The following MAGI2 variants were observed in gnomAD, a reference collection of about 807,000 sequenced individuals.
MAGI2 encodes the protein membrane associated guanylate kinase, WW and PDZ domain containing 2.
Under a neutral mutation model 133.3 loss-of-function variants are expected in MAGI2, and 35 were observed. The ratio of observed to expected loss-of-function variants is 0.26; its 90% CI spans 0.20 to 0.35. MAGI2 has a LOEUF of 0.35. Ranked by LOEUF, MAGI2 falls within the 10% of genes least tolerant of loss-of-function variation. MAGI2 has a pLI of 1.00. For synonymous variants in MAGI2, 729 were observed against 710.6 expected, an observed-to-expected ratio of 1.03 and a Z score of -0.41; for missense variants, 1,636 against 1,863.4, an observed-to-expected ratio of 0.88 and a Z score of 2.25.
At position 78,161,667 on chromosome 7, in the gene MAGI2, T is replaced by TAAA. The variant is rs71515391; in HGVS notation, c.2597-1397_2597-1395dup. Among the ~76,000 whole-genome samples the TAAA allele has an allele frequency of 7.7e-3, 532 of 68,846 alleles. 16 individuals carry two copies. Among genetic ancestry groups the TAAA allele is most frequent in the Middle Eastern group, 0.04 (4 of 100 alleles). The allele number at this position is 68,846 out of a possible 152,430, so 45.2% of individuals were successfully genotyped here. On this transcript the variant is annotated intron_variant, in intron 15 of 21. Transcript: ENST00000354212. The stretch of plus-strand genomic sequence containing the variant: ...AGAGACGTTTTGTTACATCGATACC[T>TAAA]AAAAAAAAAAAAAAAAAAAAGAAAA...
chr7:78,066,609 C>T lies in MAGI2; in HGVS notation c.3706+12338G>A, dbSNP rs79260910. Among the ~76,000 whole-genome samples the T allele has an allele frequency of 7.4e-4, 113 of 152,254 alleles. 1 individual carries two copies. The East Asian group carries it at 0.018, about 24-fold the overall frequency. ...GGTTGTGCTCTGAAACCAACCTCTT[C>T]GTGGTGGTCTTGGTCTGAATCTAGC... On this transcript the variant is annotated intron_variant, in intron 21 of 21. Transcript: ENST00000354212.
intron 2 of MAGI2, among the ~76,000 whole-genome samples, chr7:78,743,241 T>C (rs531628969): frequency 6.6e-6 from 1 of 152,282 alleles, no homozygotes; most frequent in African/African-American, 2.4e-5. Flanking sequence ...ACAAAATCAA[T>C]AAGCTGCAAT....
intron 1 of MAGI2, among the ~76,000 whole-genome samples, chr7:79,195,680 A>G (rs1464877007): frequency 3.9e-5 from 6 of 151,956 alleles, no homozygotes; most frequent in Non-Finnish European, 5.9e-5. Context: ...GGCACTGAGC[A>G]TTCTCAGTGT....
chr7:78,697,925 A>C (rs1389002991), intron 2 of MAGI2, among the ~76,000 whole-genome samples: 1 of 151,992 alleles, frequency 6.6e-6, no homozygotes, highest in Non-Finnish European at 1.5e-5. Context: ...ACTTCTCCTT[A>C]TAAGATTGTT....
intron 2 of MAGI2, among the ~76,000 whole-genome samples, chr7:78,872,882 C>A (rs1387245328): frequency 6.6e-6 from 1 of 151,958 alleles, no homozygotes; most frequent in Non-Finnish European, 1.5e-5. Context: ...CAGCAATAAC[C>A]ATTATCAAAT....
intron 20 of MAGI2, among the ~76,000 whole-genome samples, chr7:78,112,506 C>A (rs192552491): frequency 7.9e-5 from 12 of 152,366 alleles, no homozygotes; most frequent in Middle Eastern, 3.4e-3. Flanking sequence ...AAAAAGCTGA[C>A]TGCGAGTTAG....
At chr7:79,153,588 C>T (rs1823481171) in intron 1 of MAGI2, among the ~76,000 whole-genome samples, 1 of 152,138 alleles carries the variant, frequency 6.6e-6, no homozygotes, top group Admixed American at 6.5e-5. Context: ...AAATGCATTC[C>T]TCTGAAGGTG....
chr7:78,321,711 C>T (rs1788021768), intron 9 of MAGI2, among the ~76,000 whole-genome samples: 1 of 152,142 alleles, frequency 6.6e-6, no homozygotes, highest in Non-Finnish European at 1.5e-5. Context: ...TAGGCATGGG[C>T]AAGGACTTCA....
intron 9 of MAGI2, among the ~76,000 whole-genome samples, chr7:78,276,005 C>G (rs1184151144): frequency 6.6e-6 from 1 of 152,180 alleles, no homozygotes; most frequent in Non-Finnish European, 1.5e-5. Flanking sequence ...GATTATTACC[C>G]TTTCCATTTT....
intron 20 of MAGI2, among the ~76,000 whole-genome samples, chr7:78,114,552 C>A (rs1314734802): frequency 6.6e-6 from 1 of 152,246 alleles, no homozygotes. Context: ...CAGGCAAAGC[C>A]TCCAGCCAGG....
intron 1 of MAGI2, among the ~76,000 whole-genome samples, chr7:79,087,017 T>C (rs1279759838): frequency 4.0e-5 from 6 of 151,744 alleles, no homozygotes; most frequent in African/African-American, 1.4e-4. Flanking sequence ...TAAAGAAAAT[T>C]AATCAGATAT....
intron 2 of MAGI2, among the ~76,000 whole-genome samples, chr7:78,823,629 G>A (rs1584035718): frequency 6.7e-6 from 1 of 149,974 alleles, no homozygotes; most frequent in African/African-American, 2.4e-5. Flanking sequence ...TATTTCAGCA[G>A]CCAGTTAAAC....
At chr7:78,561,972 G>T (rs1800454578) in intron 3 of MAGI2, among the ~76,000 whole-genome samples, 1 of 152,060 alleles carries the variant, frequency 6.6e-6, no homozygotes, top group African/African-American at 2.4e-5. Context: ...ATGCTCACAT[G>T]CTTCAGGACA....
At chr7:79,302,621 G>T (rs1406154) in intron 1 of MAGI2, among the ~76,000 whole-genome samples, 141,751 of 152,210 alleles carry the variant, frequency 0.93, 66,367 homozygotes, top group Non-Finnish European at 0.98. Context: ...GATGCAAAAA[G>T]ATGTAAAATT....
At chr7:78,346,663 G>T (rs1029234367) in intron 7 of MAGI2, among the ~76,000 whole-genome samples, 1 of 152,190 alleles carries the variant, frequency 6.6e-6, no homozygotes, top group African/African-American at 2.4e-5. Context: ...ACGCAGAGTG[G>T]CTTGAAGCAA....
chr7:78,528,504 G>T (rs773806997), intron 3 of MAGI2, among the ~76,000 whole-genome samples: 3 of 152,082 alleles, frequency 2.0e-5, no homozygotes, highest in Non-Finnish European at 4.4e-5. Context: ...CATGGCAAAA[G>T]AATCATAGTC....
At chr7:79,379,431 T>G (rs896629278) in intron 1 of MAGI2, among the ~76,000 whole-genome samples, 1 of 151,972 alleles carries the variant, frequency 6.6e-6, no homozygotes, top group Non-Finnish European at 1.5e-5. Flanking sequence ...TACGTGTGCA[T>G]GTGTATTTAT....
At chr7:79,146,712 G>A (rs996286400) in intron 1 of MAGI2, among the ~76,000 whole-genome samples, 12 of 152,190 alleles carry the variant, frequency 7.9e-5, no homozygotes, top group Non-Finnish European at 1.6e-4. Flanking sequence ...CTTCCATCAT[G>A]ATTGTGAGGC....
chr7:78,573,272 A>ATT (rs1563188703), intron 3 of MAGI2, among the ~76,000 whole-genome samples: 3 of 25,346 alleles, frequency 1.2e-4, no homozygotes, highest in East Asian at 7.6e-3. Flanking sequence ...AAATATATAT[A>ATT]AATATATATA....
Sources: allele counts gnomAD v4.1 joint callset (sites outside exome capture counted in the v4.1 genomes callset), GRCh38; gene constraint gnomAD v4.1.1; transcripts MANE v1.5; gene names NCBI Gene and HGNC (gene_info 2026-07-23, HGNC 2026-07-21).